Variants in MRPL38 observed in about 807,000 individuals in gnomAD.
The protein encoded by MRPL38 is large ribosomal subunit protein mL38.
In MRPL38, 51 loss-of-function variants were observed where a neutral mutation model predicts 52.1. The ratio of observed to expected loss-of-function variants is 0.98; its 90% CI spans 0.78 to 1.24. MRPL38 has a LOEUF of 1.24. Among genes scored for constraint, MRPL38 ranks in the 50% most tolerant of loss-of-function variants. MRPL38 has a pLI of 0.00. For synonymous variants in MRPL38, 245 were observed against 212.7 expected (o/e 1.15, Z -1.32); for missense variants, 527 against 518.6 (o/e 1.02, Z -0.16).
In MRPL38 at chr17:75,899,159, C is replaced by T. The variant is rs768617619; in HGVS notation, c.1005G>A (p.Leu335=). The T allele has an allele frequency of 1.9e-6, 3 of 1,601,402 alleles. No individual in the cohort carries two copies. The highest frequency in any genetic ancestry group is 3.5e-5 in the Admixed American group (2 of 57,960). ...DSVTYIFHQL[L]DMREPVFEFV... ...GTGCCCCAGCCCCATGGCCCTTACC[C>T]AGAAGCTGGTGGAAGATGTAGGTGA... Residue 335 remains leucine, a splice_region_variant and synonymous_variant, in exon 8 of 9, where the codon CTG becomes CTA. Transcript: ENST00000309352.
In MRPL38 at chr17:75,902,077, C is replaced by A. The variant is rs1481883590; in HGVS notation, c.325G>T (p.Ala109Ser). Residue 109 changes from alanine (A) to serine (S), a missense_variant, in exon 3 of 9, where the codon GCC (alanine) becomes TCC (serine). Transcript: ENST00000309352. ...ACATTGGCCCGAAGCTCCTGGATGG[C>A]CTGTTTCCGTTCCAGTAGCTGTTGG... ...RTQQLLERKQ[A>S]IQELRANVEE... The A allele has an allele frequency of 1.7e-5, 28 of 1,610,900 alleles. No homozygotes were observed. The highest frequency in any genetic ancestry group is 2.2e-5 in the Non-Finnish European group (26 of 1,178,868).
Position 75,898,668 on chromosome 17 carries a change from A to G in MRPL38, c.*182T>C, listed in dbSNP as rs74757429. 4.4e-5 allele frequency: 29 copies of G among 654,004 alleles called. No homozygotes were observed. The highest frequency in any genetic ancestry group is 2.8e-5 in the Non-Finnish European group (11 of 388,748). The allele number at this position is 654,004 out of a possible 1,614,324, so 40.5% of individuals were successfully genotyped here. A position where few individuals can be genotyped will look rare whatever the true frequency, so the allele number is the denominator to read the frequency against. ...GCCCGGCAAGAAATCATGTTTATTC[A>G]CATTCCCCACCCCACCACCTGAGAG... On this transcript the variant is annotated 3_prime_UTR_variant, in exon 9 of 9. Coordinates refer to ENST00000309352, the MANE Select transcript of MRPL38 (RefSeq NM_032478.4).
intron 8 of MRPL38, 60 bp from the exon 9 acceptor site, chr17:75,899,046 C>G: frequency 3.9e-6 from 6 of 1,538,070 alleles, no homozygotes; most frequent in Non-Finnish European, 5.2e-6. Context: ...CAGGCTGAGG[C>G]CTGCCCACCA....
intron 7 of MRPL38, 24 bp from the exon 8 acceptor site, chr17:75,899,318 G>T: frequency 3.1e-6 from 5 of 1,608,610 alleles, no homozygotes; most frequent in Non-Finnish European, 3.4e-6. Context: ...GAGAGCGTAT[G>T]AGAGTGTGGA....
Position 75,898,880 on chromosome 17 carries a change from G to A in MRPL38, c.1113C>T (p.Asp371=). The A allele has an allele frequency of 6.2e-7, 1 of 1,611,908 alleles. No homozygotes were observed. Among genetic ancestry groups the A allele is most frequent in the South Asian group, 1.1e-5 (1 of 90,948 alleles). The change falls in exon 9 of 9, where the codon GAC becomes GAT. Residue 371 remains aspartate, a synonymous_variant. Coordinates refer to ENST00000309352, the MANE Select transcript of MRPL38 (RefSeq NM_032478.4). The part of the protein sequence containing the change: ...QPLRYLDRYR[D]SHEPTYGIY ...AGATGCCATAGGTGGGCTCATGACT[G>A]TCCCTGTACCGGTCCAGGTAGCGCA...
intron 6 of MRPL38, chr17:75,900,732 A>G: frequency 1.7e-5 from 22 of 1,323,892 alleles, no homozygotes; most frequent in Non-Finnish European, 2.0e-5. Flanking sequence ...AAAAAAAAAA[A>G]AAAAAAGAAA....
Position 75,901,630 on chromosome 17 carries a change from A to G in MRPL38, c.591+82T>C. On this transcript the variant is annotated intron_variant, in intron 4 of 8. Transcript: ENST00000309352. This position sits in a 1 kb window ranked among gnomAD's most constrained non-coding sequence, Gnocchi z 5.7. ...GAGACAGAGAACAACAAAATTCCAA[A>G]CCCAGGAGTGTCTGTGACACTGAGA... 1.6e-6 allele frequency: 2 copies of G among 1,235,944 alleles called. No individual in the cohort carries two copies. Among genetic ancestry groups the G allele is most frequent in the Non-Finnish European group, 2.4e-6 (2 of 848,624 alleles). The allele number at this position is 1,235,944 out of a possible 1,614,324, so 76.6% of individuals were successfully genotyped here.
intron 2 of MRPL38, 23 bp from the exon 3 acceptor site, chr17:75,902,177 A>G: frequency 1.9e-6 from 3 of 1,550,592 alleles, no homozygotes; most frequent in Non-Finnish European, 2.6e-6. Context: ...GATGTGTGGG[A>G]AAAACAGGGT....
intron 1 of MRPL38, 40 bp downstream of exon 1, chr17:75,904,769 A>AGGGGGGGGGGG: frequency 1.1e-5 from 5 of 454,456 alleles, no homozygotes; most frequent in South Asian, 2.1e-5. Flanking sequence ...CTCGGGCGAC[A>AGGGGGGGGGGG]GCCCCCCCCC....
At position 75,898,786 on chromosome 17, in the gene MRPL38, G is replaced by A. The variant is rs746212731; in HGVS notation, c.*64C>T. On this transcript the variant is annotated 3_prime_UTR_variant, in exon 9 of 9. Transcript: ENST00000309352. Reference sequence around the variant, plus strand: ...CCAGACCCCACAGTGTGGGCCTCTGGAGCTGTGTCTTTACTCTTGCTGCCG... The same window carrying A: ...CCAGACCCCACAGTGTGGGCCTCTGAAGCTGTGTCTTTACTCTTGCTGCCG... 98 of 1,594,362 alleles carry A rather than the reference G, an allele frequency of 6.1e-5. No homozygotes were observed. Among genetic ancestry groups the A allele is most frequent in the Non-Finnish European group, 7.9e-5 (93 of 1,170,680 alleles).
intron 6 of MRPL38, chr17:75,900,674 T>C (rs1404577218): frequency 2.2e-6 from 2 of 927,232 alleles, no homozygotes; most frequent in Non-Finnish European, 2.8e-6. Flanking sequence ...TTAGCCATGA[T>C]TGCACCACTG....
intron 7 of MRPL38, 24 bp from the exon 8 acceptor site, chr17:75,899,318 G>GAA: frequency 6.2e-7 from 1 of 1,608,610 alleles, no homozygotes; most frequent in Non-Finnish European, 8.5e-7. Context: ...GAGAGCGTAT[G>GAA]AGAGTGTGGA....
chr17:75,900,985 A>G lies in MRPL38; in HGVS notation c.707T>C (p.Leu236Pro). ...CCCCCAGTACTCCAGTACTCACAGCAGCCAGTGGAGGTACTCAGCATCTGG... is the reference window on the plus strand; with the variant it reads ...CCCCCAGTACTCCAGTACTCACAGCGGCCAGTGGAGGTACTCAGCATCTGG... ...LEPDAEYLHW[L>P]LTNIPGNRVA... Residue 236 changes from leucine (L) to proline (P), a missense_variant, in exon 6 of 9, where the codon CTG (leucine) becomes CCG (proline). Leu to Pro is a moderately conservative substitution (Grantham distance 98). Coordinates refer to ENST00000309352, the MANE Select transcript of MRPL38 (RefSeq NM_032478.4). 6.2e-7 allele frequency: 1 copy of G among 1,612,456 alleles called. No individual in the cohort carries two copies. The highest frequency in any genetic ancestry group is 2.2e-5 in the East Asian group (1 of 44,838).
intron 6 of MRPL38, chr17:75,900,014 G>A (rs935575564): frequency 2.8e-5 from 5 of 179,908 alleles, no homozygotes; most frequent in East Asian, 1.4e-4. Context: ...TTCCCTCTGC[G>A]TCCTGAAGTC....
Position 75,901,054 on chromosome 17 carries a change from C to A in MRPL38, c.665-27G>T. 1 of 1,608,058 alleles carries A rather than the reference C, an allele frequency of 6.2e-7. No individual in the cohort carries two copies. Among genetic ancestry groups the A allele is most frequent in the Non-Finnish European group, 8.5e-7 (1 of 1,177,630 alleles). On this transcript the variant is annotated intron_variant, in intron 5 of 8. Transcript: ENST00000309352. This position sits in a 1 kb window ranked among gnomAD's most constrained non-coding sequence, Gnocchi z 5.7. ...TGCACAAAAACACACCTGCTGACCA[C>A]GGCCCAGCCGACCACGGCCCTGCCA...
Position 75,901,293 on chromosome 17 carries a change from G to A in MRPL38, c.592-20C>T. On this transcript the variant is annotated intron_variant, in intron 4 of 8. Coordinates refer to ENST00000309352, the MANE Select transcript of MRPL38 (RefSeq NM_032478.4). This position sits in a 1 kb window ranked among gnomAD's most constrained non-coding sequence, Gnocchi z 5.7. Reference sequence around the variant, plus strand: ...GGCAGCCTGGCAGGGTGAGAAGGAAGCTGTCAGCCCCACCAGGGACAGGCC... The same window carrying A: ...GGCAGCCTGGCAGGGTGAGAAGGAAACTGTCAGCCCCACCAGGGACAGGCC... 2 of 1,611,044 alleles carry A rather than the reference G, an allele frequency of 1.2e-6. No homozygotes were observed. Among genetic ancestry groups the A allele is most frequent in the Non-Finnish European group, 1.7e-6 (2 of 1,178,778 alleles).
At chr17:75,899,472 G>A (rs1446027666) in intron 7 of MRPL38, 44 bp downstream of exon 7, 1 of 1,546,354 alleles carries the variant, frequency 6.5e-7, no homozygotes, top group East Asian at 2.3e-5. Flanking sequence ...CCGTTCCAGG[G>A]GAGCTGGCCT....
In MRPL38 at chr17:75,901,960, G is replaced by A. The variant is rs2065406768; in HGVS notation, c.383-40C>T. The A allele has an allele frequency of 6.2e-7, 1 of 1,607,596 alleles. No individual in the cohort carries two copies. The highest frequency in any genetic ancestry group is 8.5e-7 in the Non-Finnish European group (1 of 1,175,830). ...GGCCAGTTGGGATACGGGGGTGGGG[G>A]GGGCAGGGACACACCCTGTACCCCA... On this transcript the variant is annotated intron_variant, in intron 3 of 8. Transcript: ENST00000309352. This position sits in a 1 kb window ranked among gnomAD's most constrained non-coding sequence, Gnocchi z 5.7.
chr17:75,900,289 C>T (rs1489401891), intron 6 of MRPL38: 3 of 152,346 alleles, frequency 2.0e-5, no homozygotes, highest in Non-Finnish European at 4.4e-5. Context: ...GAAGGAGCGC[C>T]CAGTGGTTCA....
Sources: allele counts gnomAD v4.1 joint callset, GRCh38; gene constraint gnomAD v4.1.1; non-coding constraint Gnocchi (gnomAD v3.1); transcripts MANE v1.5; gene names NCBI Gene and HGNC (gene_info 2026-07-23, HGNC 2026-07-21).